Variants in POMGNT1 observed in about 807,000 individuals in gnomAD.
The protein encoded by POMGNT1 is protein O-linked mannose N-acetylglucosaminyltransferase 1 (beta 1,2-), also known as protein O-linked-mannose beta-1,2-N-acetylglucosaminyltransferase 1.
Under a neutral mutation model 95.6 loss-of-function variants are expected in POMGNT1, and 67 were observed. The observed-to-expected ratio is 0.70, with a 90% CI of 0.58 to 0.86. The LOEUF is 0.86. Among genes scored for constraint, POMGNT1 ranks in the 40% least tolerant of loss-of-function variants. The pLI, the probability that POMGNT1 is intolerant of heterozygous loss-of-function variation, is 0.00. For missense variants in POMGNT1, 719 were observed against 855.2 expected (o/e 0.84, Z 1.99); for synonymous variants, 298 against 317.9 (o/e 0.94, Z 0.66).
chr1:46,190,620 G>A, intron 18 of POMGNT1, 100 bp downstream of exon 18: 1 of 1,532,670 alleles, frequency 6.5e-7, no homozygotes, highest in South Asian at 1.1e-5. Flanking sequence ...GTAGCCGCAG[G>A]GCTGGAGTAA....
chr1:46,195,177 C>T (rs956041414), intron 6 of POMGNT1, among the ~76,000 whole-genome samples: 16 of 152,200 alleles, frequency 1.1e-4, no homozygotes, highest in South Asian at 4.1e-4. Context: ...CAAACCCACA[C>T]GATCTGCACC....
chr1:46,188,923 C>T lies in POMGNT1; in HGVS notation c.*347G>A, dbSNP rs746679629. On this transcript the variant is annotated 3_prime_UTR_variant, in exon 22 of 22. Transcript: ENST00000371984. ...AAAAGAAATCCAGGCCCTCCAGGTT[C>T]GGCCTGTTTTCAAGGCCCTCAGGAC... 109 of 1,612,674 alleles carry T rather than the reference C, an allele frequency of 6.8e-5. No homozygotes were observed. Among genetic ancestry groups the T allele is most frequent in the Middle Eastern group, 1.7e-4 (1 of 6,052 alleles).
At chr1:46,207,732 G>A (rs1164777010) in intron 1 of POMGNT1, among the ~76,000 whole-genome samples, 6 of 150,978 alleles carry the variant, frequency 4.0e-5, no homozygotes, top group Non-Finnish European at 7.4e-5. Flanking sequence ...TAGAGACGGG[G>A]TTTCACCATG....
chr1:46,200,927 G>T (rs1658515491), upstream of POMGNT1, among the ~76,000 whole-genome samples: 1 of 151,382 alleles, frequency 6.6e-6, no homozygotes, highest in Non-Finnish European at 1.5e-5. Flanking sequence ...ACCTGAGGCG[G>T]ATGGATCCGC....
upstream of POMGNT1, among the ~76,000 whole-genome samples, chr1:46,199,969 A>C (rs781157597): frequency 4.6e-5 from 7 of 152,148 alleles, no homozygotes; most frequent in Non-Finnish European, 1.0e-4. Context: ...CAGGAGTTTG[A>C]GACCAGCCTG....
At chr1:46,200,139 C>T (rs1658494400), upstream of POMGNT1, among the ~76,000 whole-genome samples, 1 of 152,096 alleles carries the variant, frequency 6.6e-6, no homozygotes, top group South Asian at 2.1e-4. Context: ...GCACTCCAGC[C>T]TGAGTGACAG....
intron 19 of POMGNT1, 180 bp downstream of exon 19, chr1:46,190,293 C>T: frequency 2.5e-6 from 2 of 815,392 alleles, no homozygotes; most frequent in Non-Finnish European, 4.1e-6. Flanking sequence ...ATCCACCCAC[C>T]TCGGCCTCCC....
chr1:46,198,642 C>A (rs1658433358), upstream of POMGNT1, among the ~76,000 whole-genome samples: 1 of 152,192 alleles, frequency 6.6e-6, no homozygotes, highest in Non-Finnish European at 1.5e-5. Flanking sequence ...GGGCTGCCTG[C>A]ACGAGAGCAG....
At chr1:46,190,818 C>T in intron 17 of POMGNT1, 34 bp from the exon 18 acceptor site, 1 of 1,572,438 alleles carries the variant, frequency 6.4e-7, no homozygotes, top group Non-Finnish European at 8.8e-7. Context: ...ATCAGCACCT[C>T]ACATTGTCTG....
rs866924336 is a variant in POMGNT1, at chr1:46,188,771, C to T, written c.*499G>A. 1 of 1,612,816 alleles carries T rather than the reference C, an allele frequency of 6.2e-7. No individual in the cohort carries two copies. Among genetic ancestry groups the T allele is most frequent in the African/African-American group, 1.3e-5 (1 of 75,050 alleles). On this transcript the variant is annotated 3_prime_UTR_variant, in exon 22 of 22. Transcript: ENST00000371984. ...GAGAAGGCTGAGAGGAGGCCTGGTC[C>T]AGTGTCTAAGGGTCTCTGAGTGAGT... is the stretch of plus-strand genomic sequence containing the variant.
Position 46,215,795 on chromosome 1 carries a change from G to T in POMGNT1, c.-51+3910C>A, listed in dbSNP as rs1217663539. ...TGCCTGTAGTCCAGCTACTTAGGAGGCTGAGGCAGGAGGGTTGCTTGAGCT... is the reference window on the plus strand; with the variant it reads ...TGCCTGTAGTCCAGCTACTTAGGAGTCTGAGGCAGGAGGGTTGCTTGAGCT... On this transcript the variant is annotated intron_variant, in intron 1 of 22. Transcript: ENST00000371992. 2.0e-5 allele frequency among the ~76,000 whole-genome samples: 3 copies of T among 152,230 alleles called. No individual in the cohort carries two copies. The East Asian group carries it at 5.8e-4, about 29-fold the overall frequency.
Position 46,208,252 on chromosome 1 carries a change from C to T in POMGNT1, c.-50-10381G>A, listed in dbSNP as rs12029268. Among the ~76,000 whole-genome samples the T allele has an allele frequency of 7.6e-4, 115 of 152,210 alleles. 2 individuals are homozygous for T. The East Asian group carries it at 0.019, about 25-fold the overall frequency. On this transcript the variant is annotated intron_variant, in intron 1 of 22. Coordinates refer to the POMGNT1 transcript ENST00000371992. ...AAGCAGTCCGTTTGTGTCAGCCTCC[C>T]GAAGTTCTGGGATTGCAGGCTGAGC... is the stretch of plus-strand genomic sequence containing the variant.
At chr1:46,200,783 G>C (rs1046556608), upstream of POMGNT1, among the ~76,000 whole-genome samples, 1 of 152,178 alleles carries the variant, frequency 6.6e-6, no homozygotes, top group South Asian at 2.1e-4. Flanking sequence ...CAGTCTCCTT[G>C]ACTCTAGATT....
At chr1:46,197,546 T>C in intron 2 of POMGNT1, 156 bp downstream of exon 2, 2 of 960,962 alleles carry the variant, frequency 2.1e-6, no homozygotes, top group South Asian at 4.8e-5. Context: ...GTTCAAATCA[T>C]TACCTATAGG....
rs747612249 is a variant in POMGNT1, at chr1:46,194,917, C to T, written c.579G>A (p.Leu193=). ...FHLKDTAKAL[L]RSLGSQAGPA... ...GGCCAGCCTGGCTGCCCAGGCTCCT[C>T]AGCAGAGCCTTGGCTGTGTCCTTGA... Residue 193 remains leucine (L), a synonymous_variant, in exon 7 of 22, where the codon CTG becomes CTA. Coordinates refer to ENST00000371984, the MANE Select transcript of POMGNT1 (RefSeq NM_017739.4). 1.9e-6 allele frequency: 3 copies of T among 1,614,168 alleles called. No homozygotes were observed. The highest frequency in any genetic ancestry group is 1.3e-5 in the African/African-American group (1 of 75,080).
intron 1 of POMGNT1, among the ~76,000 whole-genome samples, chr1:46,211,080 C>T (rs769959111): frequency 6.6e-6 from 1 of 151,960 alleles, no homozygotes; most frequent in Non-Finnish European, 1.5e-5. Context: ...GTGCCTGGTC[C>T]TTTGGGCCTT....
rs755222901 is a variant in POMGNT1 at position 46,196,964 on chromosome 1, C to T, written c.235+6G>A. On this transcript the variant is annotated splice_donor_region_variant and intron_variant, in intron 3 of 21. Coordinates refer to ENST00000371984, the MANE Select transcript of POMGNT1 (RefSeq NM_017739.4). The surrounding 1 kb of genome is among the most constrained non-coding windows in gnomAD (Gnocchi z 4.4). ...GCCCCCTACCCCATCCTTAGCCTAGCCCTACCATAGTCTTGCTCTGGCTCT... is the reference window on the plus strand; with the variant it reads ...GCCCCCTACCCCATCCTTAGCCTAGTCCTACCATAGTCTTGCTCTGGCTCT... 2.5e-6 allele frequency: 4 copies of T among 1,614,226 alleles called. No homozygotes were observed. The highest frequency in any genetic ancestry group is 2.2e-5 in the South Asian group (2 of 91,086).
At chr1:46,207,964 T>G (rs1442613481) in intron 1 of POMGNT1, among the ~76,000 whole-genome samples, 1 of 151,726 alleles carries the variant, frequency 6.6e-6, no homozygotes, top group Non-Finnish European at 1.5e-5. Flanking sequence ...GCCTCCCGGG[T>G]TCAAGCGATT....
chr1:46,192,382 G>A lies in POMGNT1; in HGVS notation c.1339C>T (p.Pro447Ser), dbSNP rs1322517109. 1 of 1,614,158 alleles carries A rather than the reference G, an allele frequency of 6.2e-7. No individual in the cohort carries two copies. Among genetic ancestry groups the A allele is most frequent in the Non-Finnish European group, 8.5e-7 (1 of 1,180,034 alleles). Residue 447 changes from proline to serine, a missense_variant, in exon 16 of 22, where the codon CCT (proline) becomes TCT (serine). Physicochemically the swap from Pro to Ser is moderately conservative, Grantham distance 74. Transcript: ENST00000371984. Reference protein sequence around the residue: ...PALLYRVETMPGLGWVLRRSL... With the variant: ...PALLYRVETMSGLGWVLRRSL... ...CTCCTGAGCACCCAGCCCAGCCCAGGCATGGTCTCCACACGGTACAGTAGT... is the reference window on the plus strand; with the variant it reads ...CTCCTGAGCACCCAGCCCAGCCCAGACATGGTCTCCACACGGTACAGTAGT...
Sources: gnomAD v4.1 joint callset for allele counts (sites outside exome capture counted in the v4.1 genomes callset) on GRCh38, gnomAD v4.1.1 for gene constraint, Gnocchi (gnomAD v3.1) non-coding constraint, MANE v1.5 for transcripts, NCBI Gene and HGNC (gene_info 2026-07-23, HGNC 2026-07-21) for gene names.